GRIA1: variants seen among roughly 807,000 people sequenced by gnomAD.
GRIA1 encodes glutamate receptor 1.
In GRIA1, 31 loss-of-function variants were observed where a neutral mutation model predicts 99.2. The observed-to-expected ratio is 0.31, with a 90% CI of 0.23 to 0.42. GRIA1 has a LOEUF of 0.42. Among genes scored for constraint, GRIA1 ranks in the 10% least tolerant of loss-of-function variants. The pLI is 1.00. For synonymous variants in GRIA1, 438 were observed against 432.4 expected, an observed-to-expected ratio of 1.01 and a Z score of -0.16; for missense variants, 782 against 1,157.5, an observed-to-expected ratio of 0.68 and a Z score of 4.71.
chr5:153,547,289 A>G (rs1282309534), intron 2 of GRIA1, among the ~76,000 whole-genome samples: 3 of 152,092 alleles, frequency 2.0e-5, no homozygotes, highest in African/African-American at 7.2e-5. Context: ...GACACCCCTG[A>G]TCTAGCCTGT....
At chr5:153,516,508 A>G (rs906348953) in intron 2 of GRIA1, among the ~76,000 whole-genome samples, 1 of 152,012 alleles carries the variant, frequency 6.6e-6, no homozygotes, top group Non-Finnish European at 1.5e-5. Flanking sequence ...AAAACACCAC[A>G]CAGCATTCTA....
intron 2 of GRIA1, among the ~76,000 whole-genome samples, chr5:153,624,759 A>G (rs534362662): frequency 9.2e-5 from 14 of 152,348 alleles, no homozygotes; most frequent in Admixed American, 2.6e-4. Context: ...AGATTAGATA[A>G]TCACGTGGAA....
intron 2 of GRIA1, among the ~76,000 whole-genome samples, chr5:153,564,333 T>C (rs1049047619): frequency 6.6e-6 from 1 of 152,198 alleles, no homozygotes; most frequent in Non-Finnish European, 1.5e-5. Flanking sequence ...TTTTTGTTTG[T>C]CTGTGTCTGC....
At chr5:153,801,959 G>GT (rs1554130093) in intron 14 of GRIA1, among the ~76,000 whole-genome samples, 1 of 143,966 alleles carries the variant, frequency 6.9e-6, no homozygotes, top group Non-Finnish European at 1.5e-5. Flanking sequence ...GGGCGGGGGG[G>GT]GGCGGGGGGC....
In GRIA1 at chr5:153,700,476, T is replaced by G. The variant is rs78908726; in HGVS notation, c.1452+1403T>G. On this transcript the variant is annotated intron_variant, in intron 10 of 15. Coordinates refer to ENST00000285900, the MANE Select transcript of GRIA1 (RefSeq NM_000827.4). ...GATGGTGGTGGAAATAAGTAAGGTG[T>G]GAGAGGAGAATGAGAAAACGCATGG... is the stretch of plus-strand genomic sequence containing the variant. Among the ~76,000 whole-genome samples, 14 of 152,144 alleles carry G rather than the reference T, an allele frequency of 9.2e-5. No individual in the cohort carries two copies. In the East Asian group the frequency reaches 2.7e-3, roughly 29 times the overall value.
intron 14 of GRIA1, among the ~76,000 whole-genome samples, chr5:153,796,792 A>AC (rs1207879068): frequency 2.3e-5 from 1 of 43,770 alleles, no homozygotes; most frequent in Non-Finnish European, 4.9e-5. Flanking sequence ...CCCCACCCCC[A>AC]CCCCCCGGCT....
intron 2 of GRIA1, among the ~76,000 whole-genome samples, chr5:153,615,877 A>G (rs960749822): frequency 6.6e-6 from 1 of 152,206 alleles, no homozygotes; most frequent in African/African-American, 2.4e-5. Context: ...TGCAGCCAGG[A>G]TTTGAACTCA....
At chr5:153,712,850 G>A (rs1759414512) in intron 11 of GRIA1, among the ~76,000 whole-genome samples, 1 of 152,186 alleles carries the variant, frequency 6.6e-6, no homozygotes. Flanking sequence ...TACCTGGGAT[G>A]TTTGTCCAAA....
At chr5:153,522,301 T>C (rs1477643221) in intron 2 of GRIA1, among the ~76,000 whole-genome samples, 2 of 152,322 alleles carry the variant, frequency 1.3e-5, no homozygotes, top group East Asian at 1.9e-4. Flanking sequence ...TATCATGGCA[T>C]GTAAAGTTGT....
intron 2 of GRIA1, among the ~76,000 whole-genome samples, chr5:153,639,414 G>T (rs1420926668): frequency 1.3e-5 from 2 of 152,062 alleles, no homozygotes; most frequent in Non-Finnish European, 2.9e-5. Flanking sequence ...TGTTTCTCAA[G>T]CTCTTCAGTC....
At chr5:153,492,238 G>T in intron 1 of GRIA1, 1 of 1,535,462 alleles carries the variant, frequency 6.5e-7, no homozygotes, top group Non-Finnish European at 8.7e-7. Context: ...TCTCCAGCTA[G>T]CTGGCGGCTT....
intron 2 of GRIA1, among the ~76,000 whole-genome samples, chr5:153,526,010 T>C (rs1757561053): frequency 1.3e-5 from 2 of 152,220 alleles, no homozygotes; most frequent in Admixed American, 6.5e-5. Flanking sequence ...ACTACTCCTG[T>C]GGAAATTAAA....
chr5:153,715,398 C>T (rs1050451585), intron 11 of GRIA1, among the ~76,000 whole-genome samples: 2 of 152,018 alleles, frequency 1.3e-5, no homozygotes, highest in African/African-American at 4.8e-5. Context: ...AATTACTCCT[C>T]TGAATCTGTG....
chr5:153,658,886 G>A (rs1439013472), intron 5 of GRIA1, among the ~76,000 whole-genome samples: 1 of 152,096 alleles, frequency 6.6e-6, no homozygotes, highest in Non-Finnish European at 1.5e-5. Flanking sequence ...GGTTCAAATA[G>A]CCACCTTTGA....
At position 153,496,754 on chromosome 5, in the gene GRIA1, T is replaced by A. The variant is rs79821167; in HGVS notation, c.220+2689T>A. On this transcript the variant is annotated intron_variant, in intron 2 of 15. Transcript: ENST00000285900. ...GAAGAATGTACTCATTACTGATACA[T>A]GGAAAAGCAAGAAAAGCATCTTATT... Among the ~76,000 whole-genome samples the A allele has an allele frequency of 4.8e-3, 735 of 152,306 alleles. 34 individuals are homozygous for A. The East Asian group carries it at 0.094, about 19-fold the overall frequency.
rs546977499 is a variant in GRIA1 at position 153,589,297 on chromosome 5, A to T, written c.221-57631A>T. Among the ~76,000 whole-genome samples the T allele has an allele frequency of 5.9e-5, 9 of 152,316 alleles. No individual in the cohort carries two copies. In the South Asian group the frequency reaches 1.0e-3, roughly 18 times the overall value. ...ATTCTGTGAGGTGCATCAATTTTGG[A>T]TCACTCTAATGGAAGTGCCCCGAGC... On this transcript the variant is annotated intron_variant, in intron 2 of 15. Coordinates refer to ENST00000285900, the MANE Select transcript of GRIA1 (RefSeq NM_000827.4).
intron 7 of GRIA1, among the ~76,000 whole-genome samples, chr5:153,683,346 T>C (rs1050807155): frequency 6.6e-6 from 1 of 152,216 alleles, no homozygotes; most frequent in Non-Finnish European, 1.5e-5. Context: ...AAGTAAGACT[T>C]GGCTTCCCCA....
At chr5:153,703,898 G>A (rs1175525643) in intron 10 of GRIA1, among the ~76,000 whole-genome samples, 1 of 152,088 alleles carries the variant, frequency 6.6e-6, no homozygotes, top group Non-Finnish European at 1.5e-5. Context: ...ATCCCTCCAA[G>A]TCATTTCCAT....
intron 7 of GRIA1, among the ~76,000 whole-genome samples, chr5:153,683,585 G>T (rs1259027165): frequency 6.6e-6 from 1 of 152,162 alleles, no homozygotes; most frequent in Non-Finnish European, 1.5e-5. Context: ...GTGCAGGTAG[G>T]ACCCTTGACC....
Sources: allele counts gnomAD v4.1 joint callset (sites outside exome capture counted in the v4.1 genomes callset), GRCh38; gene constraint gnomAD v4.1.1; transcripts MANE v1.5; gene names NCBI Gene and HGNC (gene_info 2026-07-23, HGNC 2026-07-21).